XPO6: variants seen among roughly 807,000 people sequenced by gnomAD.
XPO6 encodes the protein exportin-6.
XPO6 carries 3 observed loss-of-function variants against 130.0 expected under a neutral mutation model. That is an observed-to-expected ratio of 0.02 (90% CI 0.01 to 0.06). XPO6 has a LOEUF of 0.06. Among genes scored for constraint, XPO6 ranks in the 10% least tolerant of loss-of-function variants. XPO6 has a pLI of 1.00. For missense variants in XPO6, 970 were observed against 1,393.0 expected (o/e 0.70, Z 4.83); for synonymous variants, 524 against 548.9 (o/e 0.95, Z 0.63).
At position 28,101,366 on chromosome 16, in the gene XPO6, G is replaced by A. The variant is rs1193467297; in HGVS notation, c.3276+92C>T. On this transcript the variant is annotated intron_variant, in intron 23 of 23. Transcript: ENST00000304658. The surrounding 1 kb of genome is among the most constrained non-coding windows in gnomAD (Gnocchi z 5.4). ...GCAGGGTGGGCACAGACCACGCCCAGAGGCCTCAATGTGCCCCCTCCTTGC... is the reference window on the plus strand; with the variant it reads ...GCAGGGTGGGCACAGACCACGCCCAAAGGCCTCAATGTGCCCCCTCCTTGC... The A allele has an allele frequency of 6.1e-6, 7 of 1,151,688 alleles. No individual in the cohort carries two copies. In the African/African-American group the frequency reaches 1.1e-4, roughly 18 times the overall value. 71.3% of individuals were successfully genotyped at this position (1,151,688 alleles called of 1,614,324 possible).
Position 28,176,055 on chromosome 16 carries a change from T to A in XPO6, c.248A>T (p.Asp83Val), listed in dbSNP as rs766017222. ...NKMWLGVPSQ[D>V]KMEIRSCLPK... ...CAGACAGCTACGGATTTCCATCTTA[T>A]CCTGAGATGGGACCCCAAGCCACAT... The change falls in exon 4 of 24, where the codon GAT becomes GTT. Residue 83 changes from aspartate (D) to valine (V), a missense_variant. By Grantham distance (152) the Asp-to-Val change is radical. This residue lies in a region of XPO6 where 936 missense variants were observed against 1,306.8 expected (regional missense o/e 0.72). Coordinates refer to ENST00000304658, the MANE Select transcript of XPO6 (RefSeq NM_015171.4). The A allele has an allele frequency of 6.2e-7, 1 of 1,614,194 alleles. No individual in the cohort carries two copies.
chr16:28,147,658 T>C (rs1456112028), intron 8 of XPO6, among the ~76,000 whole-genome samples: 1 of 152,124 alleles, frequency 6.6e-6, no homozygotes, highest in Non-Finnish European at 1.5e-5. Context: ...ATGGAAATGA[T>C]ACGGCAGCCA....
chr16:28,190,198 G>C (rs2043763026), intron 1 of XPO6, among the ~76,000 whole-genome samples: 1 of 151,804 alleles, frequency 6.6e-6, no homozygotes, highest in Non-Finnish European at 1.5e-5. Flanking sequence ...GCTACCAATG[G>C]AGAGGTGCAC....
intron 4 of XPO6, among the ~76,000 whole-genome samples, chr16:28,175,088 A>C (rs1347652414): frequency 6.6e-6 from 1 of 152,104 alleles, no homozygotes; most frequent in Admixed American, 6.5e-5. Context: ...CCCTTCTTTC[A>C]ACCCTGGCCT....
intron 9 of XPO6, 32 bp downstream of exon 9, chr16:28,146,062 C>T: frequency 6.5e-7 from 1 of 1,533,554 alleles, no homozygotes; most frequent in Non-Finnish European, 9.0e-7. Flanking sequence ...GCAAAATGAC[C>T]ATATCTAGTT....
rs2086578976 is a variant in XPO6 at position 28,098,380 on chromosome 16, C to T, written c.*158G>A. 9 of 629,480 alleles carry T rather than the reference C, an allele frequency of 1.4e-5. No homozygotes were observed. The highest frequency in any genetic ancestry group is 4.4e-4 in the Middle Eastern group (1 of 2,262). The allele number at this position is 629,480 out of a possible 1,614,324, so 39.0% of individuals were successfully genotyped here. Reference sequence around the variant, plus strand: ...CCCAGAAGCCAGCTCTGCTGGGCAGCGGCAAGATGTGGAGGAGCGGCAGAG... The same window carrying T: ...CCCAGAAGCCAGCTCTGCTGGGCAGTGGCAAGATGTGGAGGAGCGGCAGAG... On this transcript the variant is annotated 3_prime_UTR_variant, in exon 24 of 24. Coordinates refer to ENST00000304658, the MANE Select transcript of XPO6 (RefSeq NM_015171.4).
intron 9 of XPO6, among the ~76,000 whole-genome samples, chr16:28,136,490 G>A (rs1455905412): frequency 6.6e-6 from 1 of 152,202 alleles, no homozygotes; most frequent in Non-Finnish European, 1.5e-5. Flanking sequence ...AAAGTGTCAG[G>A]ATTACAGGCG....
At chr16:28,133,980 C>T in intron 10 of XPO6, 47 bp from the exon 11 acceptor site, 1 of 1,595,262 alleles carries the variant, frequency 6.3e-7, no homozygotes, top group South Asian at 1.1e-5. Flanking sequence ...ATCCTCTCAT[C>T]TTCCTTGCCA....
chr16:28,202,079 C>T (rs922232071), intron 1 of XPO6, among the ~76,000 whole-genome samples: 1 of 152,210 alleles, frequency 6.6e-6, no homozygotes, highest in Non-Finnish European at 1.5e-5. Context: ...GAGGGAACAG[C>T]ATCAGCAAAG....
chr16:28,203,208 A>C (rs981522971), intron 1 of XPO6, among the ~76,000 whole-genome samples: 5 of 151,688 alleles, frequency 3.3e-5, no homozygotes, highest in East Asian at 1.9e-4. Flanking sequence ...CCCAGGAGAT[A>C]GAGGCTGCAG....
At position 28,101,441 on chromosome 16, in the gene XPO6, CCT is replaced by C. The variant is rs765683194; in HGVS notation, c.3276+15_3276+16del. On this transcript the variant is annotated intron_variant, in intron 23 of 23. Coordinates refer to ENST00000304658, the MANE Select transcript of XPO6 (RefSeq NM_015171.4). The surrounding 1 kb of genome is among the most constrained non-coding windows in gnomAD (Gnocchi z 5.4). ...CCACTCTGCCCTCCTCTTAGCCCGG[CCT>C]CTTTCTCTCCTCACCCGATCCATCT... The C allele has an allele frequency of 1.2e-6, 2 of 1,611,570 alleles. No homozygotes were observed. The highest frequency in any genetic ancestry group is 1.3e-5 in the African/African-American group (1 of 74,884).
chr16:28,132,638 A>C lies in XPO6; in HGVS notation c.1537-235T>G, dbSNP rs2042694215. Among the ~76,000 whole-genome samples the C allele has an allele frequency of 6.8e-6, 1 of 146,286 alleles. No individual in the cohort carries two copies. The highest frequency in any genetic ancestry group is 2.5e-5 in the African/African-American group (1 of 39,304). ...CACAGAATAAGAAAGAAAACGTATT[A>C]GTTCAACCCTTTTTTTAAAAAAAAA... On this transcript the variant is annotated intron_variant, in intron 11 of 23. Transcript: ENST00000304658. This position sits in a 1 kb window ranked among gnomAD's most constrained non-coding sequence, Gnocchi z 4.0.
At chr16:28,147,757 C>T (rs1310021391) in intron 8 of XPO6, among the ~76,000 whole-genome samples, 1 of 152,168 alleles carries the variant, frequency 6.6e-6, no homozygotes, top group Non-Finnish European at 1.5e-5. Flanking sequence ...ACCACCCTGG[C>T]CAACATGGTG....
intron 13 of XPO6, among the ~76,000 whole-genome samples, chr16:28,124,655 C>T (rs1483124908): frequency 2.6e-5 from 4 of 152,212 alleles, no homozygotes; most frequent in African/African-American, 9.6e-5. Context: ...AATAAAACGG[C>T]AATGCCTGTC....
At chr16:28,184,311 G>A (rs911453959) in intron 1 of XPO6, among the ~76,000 whole-genome samples, 8 of 152,130 alleles carry the variant, frequency 5.3e-5, no homozygotes, top group Non-Finnish European at 1.2e-4. Context: ...GACAGATCTT[G>A]ACAAACTAAG....
Position 28,106,745 on chromosome 16 carries a change from G to A in XPO6, c.2498-248C>T, listed in dbSNP as rs1002601555. On this transcript the variant is annotated intron_variant, in intron 18 of 23. Transcript: ENST00000304658. This position sits in a 1 kb window ranked among gnomAD's most constrained non-coding sequence, Gnocchi z 4.2. ...CACTACAGGAAATGAAGGTCATCTCGAACCCTCCCTCATTGCCCGACATCC... is the reference window on the plus strand; with the variant it reads ...CACTACAGGAAATGAAGGTCATCTCAAACCCTCCCTCATTGCCCGACATCC... Among the ~76,000 whole-genome samples the A allele has an allele frequency of 2.0e-5, 3 of 152,132 alleles. No individual in the cohort carries two copies. The highest frequency in any genetic ancestry group is 6.5e-5 in the Admixed American group (1 of 15,280).
intron 14 of XPO6, 145 bp downstream of exon 14, chr16:28,121,525 T>C: frequency 4.3e-6 from 3 of 693,764 alleles, no homozygotes; most frequent in Non-Finnish European, 5.1e-6. Flanking sequence ...GTCAAAAAAA[T>C]CTCTCTCTCT....
At chr16:28,163,414 GA>G (rs1365887839) in intron 6 of XPO6, among the ~76,000 whole-genome samples, 4 of 152,346 alleles carry the variant, frequency 2.6e-5, no homozygotes, top group Admixed American at 2.6e-4. Flanking sequence ...ATGTGCATGA[GA>G]AAGATATGGT....
chr16:28,124,033 A>G (rs2087321946), intron 13 of XPO6, among the ~76,000 whole-genome samples: 1 of 152,020 alleles, frequency 6.6e-6, no homozygotes, highest in Non-Finnish European at 1.5e-5. Flanking sequence ...TCTCACTACA[A>G]AGTTGAGATG....
Sources: allele counts gnomAD v4.1 joint callset (sites outside exome capture counted in the v4.1 genomes callset), GRCh38; gene constraint gnomAD v4.1.1; regional missense constraint gnomAD v4.1.1; non-coding constraint Gnocchi (gnomAD v3.1); transcripts MANE v1.5; gene names NCBI Gene and HGNC (gene_info 2026-07-23, HGNC 2026-07-21).